ECT2: variants seen among roughly 807,000 people sequenced by gnomAD.
ECT2 encodes epithelial cell transforming 2.
Under a neutral mutation model 116.9 loss-of-function variants are expected in ECT2, and 61 were observed. The ratio of observed to expected loss-of-function variants is 0.52; its 90% CI spans 0.42 to 0.65. ECT2 has a LOEUF of 0.65. Among genes scored for constraint, ECT2 ranks in the 30% least tolerant of loss-of-function variants. ECT2 has a pLI of 0.00. For synonymous variants in ECT2, 358 were observed against 346.4 expected, an observed-to-expected ratio of 1.03 and a Z score of -0.37; for missense variants, 937 against 1,078.7, an observed-to-expected ratio of 0.87 and a Z score of 1.84.
rs1721181771 is a variant in ECT2 at position 172,774,012 on chromosome 3, C to G, written c.1538C>G (p.Thr513Ser). The G allele has an allele frequency of 6.2e-7, 1 of 1,611,160 alleles. No individual in the cohort carries two copies. Among genetic ancestry groups the G allele is most frequent in the Non-Finnish European group, 8.5e-7 (1 of 1,177,632 alleles). Residue 513 changes from threonine (T) to serine (S), a missense_variant, in exon 14 of 25, where the codon ACT (threonine) becomes AGT (serine). Coordinates refer to ENST00000392692, the MANE Select transcript of ECT2 (RefSeq NM_001258315.2). ...GSIPDIFDVH[T>S]KIKDDLEDLI... ...ATCCCAGATATCTTTGATGTACACA[C>G]TAAGATAAAGGTAAATTTGTATATG...
chr3:172,773,371 TG>T (rs1053009123), intron 13 of ECT2, among the ~76,000 whole-genome samples: 8 of 152,276 alleles, frequency 5.3e-5, no homozygotes, highest in African/African-American at 1.7e-4. Context: ...ACTGACCTTG[TG>T]TCTTATGGCC....
intron 17 of ECT2, among the ~76,000 whole-genome samples, chr3:172,785,494 G>A: frequency 6.6e-6 from 1 of 150,482 alleles, no homozygotes; most frequent in Admixed American, 6.6e-5. Context: ...GCAACATTCA[G>A]GGACCCTGTC....
In ECT2 at chr3:172,821,399, A is replaced by T. The variant is rs1730668058; in HGVS notation, c.*1162A>T. On this transcript the variant is annotated 3_prime_UTR_variant, in exon 25 of 25. Transcript: ENST00000392692. ...GTATGTGCCACTTCTGAGAGTAGTA[A>T]ATGACTCTTTGCTACATTTTAAAAG... 1 of 151,928 alleles carries T rather than the reference A, an allele frequency of 6.6e-6. No homozygotes were observed. The highest frequency in any genetic ancestry group is 6.6e-5 in the Admixed American group (1 of 15,240). The allele number at this position is 151,928 out of a possible 1,614,324, so 9.4% of individuals were successfully genotyped here. A position where few individuals can be genotyped will look rare whatever the true frequency, so the allele number is the denominator to read the frequency against.
chr3:172,807,662 A>G (rs1015668589), intron 21 of ECT2, 108 bp from the exon 22 acceptor site: 2 of 1,248,198 alleles, frequency 1.6e-6, no homozygotes, highest in Non-Finnish European at 2.2e-6. Flanking sequence ...TGGAGAAGTG[A>G]TAGTTCATTT....
downstream of ECT2, among the ~76,000 whole-genome samples, chr3:172,823,799 T>A (rs1461539634): frequency 6.6e-6 from 1 of 152,222 alleles, no homozygotes; most frequent in Non-Finnish European, 1.5e-5. Flanking sequence ...TGGGTCGTAA[T>A]CTTTTCTGGT....
the ECT2 span, chr3:172,828,973 GT>G: frequency 1.6e-6 from 2 of 1,277,372 alleles, no homozygotes; most frequent in Non-Finnish European, 2.3e-6. Flanking sequence ...CAATAAATTG[GT>G]TGCTGTGTCA....
chr3:172,773,637 A>T (rs1457946010), intron 13 of ECT2, among the ~76,000 whole-genome samples: 2 of 152,218 alleles, frequency 1.3e-5, no homozygotes, highest in East Asian at 3.8e-4. Context: ...AACAATTTTA[A>T]TGATTGATTG....
At chr3:172,794,615 A>T (rs904684212) in intron 18 of ECT2, among the ~76,000 whole-genome samples, 1 of 148,840 alleles carries the variant, frequency 6.7e-6, no homozygotes, top group Non-Finnish European at 1.5e-5. Flanking sequence ...GCATCTTGTC[A>T]GTTTCCAAAC....
intron 17 of ECT2, among the ~76,000 whole-genome samples, chr3:172,785,771 T>C (rs1285511219): frequency 6.6e-6 from 1 of 152,210 alleles, no homozygotes; most frequent in Non-Finnish European, 1.5e-5. Flanking sequence ...AAATGATTTG[T>C]CCACTATTTA....
At chr3:172,768,915 G>A (rs1720064346) in intron 12 of ECT2, 92 bp from the exon 13 acceptor site, 2 of 1,374,170 alleles carry the variant, frequency 1.5e-6, no homozygotes, top group Admixed American at 2.5e-5. Context: ...TATAAGAGTA[G>A]GTTTTCTCTC....
intron 13 of ECT2, among the ~76,000 whole-genome samples, chr3:172,770,601 A>C (rs1223023364): frequency 1.3e-5 from 2 of 152,148 alleles, no homozygotes; most frequent in Non-Finnish European, 2.9e-5. Flanking sequence ...CAGCCTCCCA[A>C]AGTGTTGTAA....
At position 172,788,785 on chromosome 3, in the gene ECT2, C is replaced by T. The variant is rs1005008926; in HGVS notation, c.1907+2211C>T. Among the ~76,000 whole-genome samples, 10 of 152,154 alleles carry T rather than the reference C, an allele frequency of 6.6e-5. No homozygotes were observed. The East Asian group carries it at 7.7e-4, about 12-fold the overall frequency. ...TGTTAAAAAATGCTAACAGGCAGGA[C>T]GCTGTGGCTCACGCCTGTAATCCCA... On this transcript the variant is annotated intron_variant, in intron 18 of 24. Transcript: ENST00000392692.
At chr3:172,795,533 A>G (rs1725481932) in intron 18 of ECT2, among the ~76,000 whole-genome samples, 1 of 152,106 alleles carries the variant, frequency 6.6e-6, no homozygotes, top group South Asian at 2.1e-4. Context: ...CTTTTGAGTT[A>G]TTTACAACAT....
chr3:172,761,001 A>G (rs1354366393), intron 7 of ECT2, among the ~76,000 whole-genome samples: 2 of 152,098 alleles, frequency 1.3e-5, no homozygotes, highest in African/African-American at 4.8e-5. Flanking sequence ...GATTACAGGC[A>G]TGAGCCACTG....
chr3:172,804,315 G>C (rs1391920056), intron 20 of ECT2, among the ~76,000 whole-genome samples: 1 of 152,122 alleles, frequency 6.6e-6, no homozygotes, highest in East Asian at 1.9e-4. Flanking sequence ...TTGTTGTTAT[G>C]AGGCTAAATG....
In ECT2 at chr3:172,774,076, A is replaced by C. The variant is rs192880714; in HGVS notation, c.1548+54A>C. On this transcript the variant is annotated intron_variant, in intron 14 of 24. Coordinates refer to ENST00000392692, the MANE Select transcript of ECT2 (RefSeq NM_001258315.2). ...AATTTTTTTCAGATTGTACATATTTATTATGATCTTTGAGGTACTTCTGGT... is the reference window on the plus strand; with the variant it reads ...AATTTTTTTCAGATTGTACATATTTCTTATGATCTTTGAGGTACTTCTGGT... The C allele has an allele frequency of 3.9e-6, 6 of 1,553,610 alleles. No individual in the cohort carries two copies. The African/African-American group carries it at 8.2e-5, about 21-fold the overall frequency.
intron 24 of ECT2, among the ~76,000 whole-genome samples, chr3:172,817,125 C>T (rs1324685346): frequency 6.6e-6 from 1 of 152,066 alleles, no homozygotes; most frequent in Non-Finnish European, 1.5e-5. Context: ...TTCATAGCCA[C>T]AAGTGGCTAG....
chr3:172,770,512 T>A (rs560178287), intron 13 of ECT2, among the ~76,000 whole-genome samples: 19 of 151,894 alleles, frequency 1.3e-4, no homozygotes, highest in South Asian at 4.2e-4. Context: ...CTTAAAAAAA[T>A]TTTTTTTTAT....
chr3:172,789,220 GTTTT>G (rs71162311), intron 18 of ECT2, among the ~76,000 whole-genome samples: 4 of 108,902 alleles, frequency 3.7e-5, no homozygotes, highest in Admixed American at 9.8e-5. Context: ...CTCTTTTTTT[GTTTT>G]TTTTTTTTTT....
Sources: gnomAD v4.1 joint callset for allele counts (sites outside exome capture counted in the v4.1 genomes callset) on GRCh38, gnomAD v4.1.1 for gene constraint, MANE v1.5 for transcripts, NCBI Gene and HGNC (gene_info 2026-07-23, HGNC 2026-07-21) for gene names.